The following CLIP1 variants were observed in gnomAD, a reference collection of about 807,000 sequenced individuals.
The protein encoded by CLIP1 is CAP-Gly domain-containing linker protein 1.
A neutral mutation model predicts 161.6 loss-of-function variants in CLIP1; 66 were observed. The observed-to-expected ratio is 0.41, with a 90% CI of 0.33 to 0.50. CLIP1 has a LOEUF of 0.50. CLIP1 is among the 20% of genes least tolerant of loss of function. The pLI is 0.27. For synonymous variants in CLIP1, 598 were observed against 626.2 expected (o/e 0.96, Z 0.67); for missense variants, 1,376 against 1,702.0 (o/e 0.81, Z 3.37).
chr12:122,405,633 C>T (rs1301491320), intron 1 of CLIP1, among the ~76,000 whole-genome samples: 1 of 151,336 alleles, frequency 6.6e-6, no homozygotes, highest in Non-Finnish European at 1.5e-5. Flanking sequence ...TACTAAAATA[C>T]AAAAATTAGC....
rs771241137 is a variant in CLIP1 at position 122,377,922 on chromosome 12, C to G, written c.124G>C (p.Ala42Pro). 4.3e-6 allele frequency: 7 copies of G among 1,612,752 alleles called. No homozygotes were observed. The Admixed American group carries it at 1.2e-4, about 27-fold the overall frequency. The change falls in exon 3 of 26, where the codon GCA becomes CCA. Residue 42 changes from alanine (A) to proline (P), a missense_variant. Physicochemically the swap from Ala to Pro is conservative, Grantham distance 27. This residue lies in a region of CLIP1 where 66 missense variants were observed against 67.8 expected (regional missense o/e 0.97). Coordinates refer to ENST00000620786, the MANE Select transcript of CLIP1 (RefSeq NM_001247997.2). ...PVEKTISSEK[A>P]SSTPSSETQE... ...GTCTCAGATGATGGAGTGCTTGATG[C>G]TTTTTCACTGGATATGGTTTTTTCT...
At chr12:122,337,875 C>G (rs536574076) in intron 11 of CLIP1, among the ~76,000 whole-genome samples, 1 of 151,814 alleles carries the variant, frequency 6.6e-6, no homozygotes, top group Non-Finnish European at 1.5e-5. Context: ...ATTAGCCAGG[C>G]GTGGTGGCAC....
Position 122,341,332 on chromosome 12 carries a change from C to A in CLIP1, c.1872G>T (p.Lys624Asn). 3 of 1,614,098 alleles carry A rather than the reference C, an allele frequency of 1.9e-6. No homozygotes were observed. The highest frequency in any genetic ancestry group is 2.5e-6 in the Non-Finnish European group (3 of 1,180,008). ...ATGCGATGGCAGTCTCCAGTTTGGACTTCCATAGAGCTATCACATCTGAGT... is the reference window on the plus strand; with the variant it reads ...ATGCGATGGCAGTCTCCAGTTTGGAATTCCATAGAGCTATCACATCTGAGT... Reference protein sequence around the residue: ...KENSDVIALWKSKLETAIASH... With the variant: ...KENSDVIALWNSKLETAIASH... Residue 624 changes from lysine (K) to asparagine (N), a missense_variant, in exon 11 of 26, where the codon AAG becomes AAT. Physicochemically the swap from Lys to Asn is moderately conservative, Grantham distance 94 (BLOSUM62 0). Coordinates refer to ENST00000620786, the MANE Select transcript of CLIP1 (RefSeq NM_001247997.2).
chr12:122,388,971 C>T (rs1051058020), intron 1 of CLIP1, among the ~76,000 whole-genome samples: 2 of 152,216 alleles, frequency 1.3e-5, no homozygotes, highest in Admixed American at 6.5e-5. Context: ...ACCTACACAA[C>T]TGACTTCCCC....
intron 24 of CLIP1, chr12:122,276,382 C>CCACACACACACGCACACACACACA: frequency 8.6e-7 from 1 of 1,160,594 alleles, no homozygotes; most frequent in Non-Finnish European, 1.1e-6. Context: ...TAGTGGGAAA[C>CCACACACACACGCACACACACACA]CACACACACA....
chr12:122,408,805 C>A (rs920229080), intron 1 of CLIP1, among the ~76,000 whole-genome samples: 1 of 151,768 alleles, frequency 6.6e-6, no homozygotes, highest in Non-Finnish European at 1.5e-5. Flanking sequence ...CTACAGGGCA[C>A]CTTGATATTT....
chr12:122,350,640 C>T (rs1463643243), intron 9 of CLIP1, among the ~76,000 whole-genome samples: 1 of 151,584 alleles, frequency 6.6e-6, no homozygotes. Flanking sequence ...CCAGTCAGCT[C>T]CGGGACAGCA....
At chr12:122,394,091 A>G (rs560800547) in intron 1 of CLIP1, among the ~76,000 whole-genome samples, 5 of 152,250 alleles carry the variant, frequency 3.3e-5, no homozygotes, top group East Asian at 1.9e-4. Flanking sequence ...GTGCAAAGCA[A>G]TAAGAAAATT....
intron 11 of CLIP1, among the ~76,000 whole-genome samples, chr12:122,337,599 A>C (rs571363979): frequency 1.3e-5 from 2 of 152,258 alleles, no homozygotes; most frequent in Non-Finnish European, 2.9e-5. Context: ...ACTATTTTTA[A>C]ATAGTCAAAA....
intron 20 of CLIP1, among the ~76,000 whole-genome samples, chr12:122,307,793 A>G (rs1950926517): frequency 6.6e-6 from 1 of 152,202 alleles, no homozygotes; most frequent in African/African-American, 2.4e-5. Context: ...TGAAATATAT[A>G]TACCATGGAA....
intron 3 of CLIP1, among the ~76,000 whole-genome samples, chr12:122,370,994 T>G (rs1328465452): frequency 6.6e-5 from 10 of 150,936 alleles, no homozygotes; most frequent in Admixed American, 6.6e-4. Flanking sequence ...TCACCTCTTC[T>G]AACCCTGGGG....
chr12:122,310,823 G>A lies in CLIP1; in HGVS notation c.3474-941C>T, dbSNP rs1428994917. On this transcript the variant is annotated intron_variant, in intron 19 of 25. Transcript: ENST00000620786. ...TCTGGGTATGAATCCATCTGCTGAT[G>A]CATGAACACATCTATTTTTAACTTC... Among the ~76,000 whole-genome samples the A allele has an allele frequency of 3.3e-5, 5 of 152,176 alleles. No individual in the cohort carries two copies. In the South Asian group the frequency reaches 8.3e-4, roughly 25 times the overall value.
At chr12:122,295,916 C>T (rs1463967980) in intron 20 of CLIP1, among the ~76,000 whole-genome samples, 1 of 152,134 alleles carries the variant, frequency 6.6e-6, no homozygotes, top group Non-Finnish European at 1.5e-5. Flanking sequence ...AGTATAGTTT[C>T]TCCAGCTTGC....
rs757981811 is a variant in CLIP1 at position 122,328,441 on chromosome 12, A to G, written c.2868-15T>C. The G allele has an allele frequency of 7.6e-5, 114 of 1,506,258 alleles. No homozygotes were observed. Among genetic ancestry groups the G allele is most frequent in the Non-Finnish European group, 9.7e-5 (109 of 1,123,992 alleles). 93.3% of individuals were successfully genotyped at this position (1,506,258 alleles called of 1,614,324 possible). A position where few individuals can be genotyped will look rare whatever the true frequency, so the allele number is the denominator to read the frequency against. ...CTTCTACATCTCTAGAAAAAGTTTC[A>G]ATATAAGGTGTCAGATTTTTCATAA... is the stretch of plus-strand genomic sequence containing the variant. On this transcript the variant is annotated splice_polypyrimidine_tract_variant and intron_variant, in intron 15 of 25. Transcript: ENST00000620786.
intron 1 of CLIP1, among the ~76,000 whole-genome samples, chr12:122,386,889 A>C (rs1955296369): frequency 6.6e-6 from 1 of 151,372 alleles, no homozygotes; most frequent in Non-Finnish European, 1.5e-5. Flanking sequence ...TCATCCTGCC[A>C]ATCGTGACTT....
chr12:122,378,180 G>A (rs926038449), intron 2 of CLIP1, among the ~76,000 whole-genome samples: 50 of 151,536 alleles, frequency 3.3e-4, no homozygotes, highest in African/African-American at 1.2e-3. Context: ...TCCACCTTCC[G>A]GGTACAAGTG....
In CLIP1 at chr12:122,347,379, G is replaced by T. The variant is rs1015071551; in HGVS notation, c.1502C>A (p.Thr501Asn). Residue 501 changes from threonine to asparagine, a missense_variant, in exon 10 of 26, where the codon ACT (threonine) becomes AAT (asparagine). Physicochemically the swap from Thr to Asn is moderately conservative, Grantham distance 65. Coordinates refer to ENST00000620786, the MANE Select transcript of CLIP1 (RefSeq NM_001247997.2). ...ADKLQRELEDTRVATVSEKSR... is the reference protein window; with the variant it reads ...ADKLQRELEDNRVATVSEKSR... ...TTAAATAGTGAAAACCATTACCCTA[G>T]TGTCTTCTAACTCCCTCTGGAGTTT... 3.1e-6 allele frequency: 5 copies of T among 1,606,000 alleles called. No individual in the cohort carries two copies. Among genetic ancestry groups the T allele is most frequent in the Non-Finnish European group, 4.3e-6 (5 of 1,172,838 alleles).
At chr12:122,388,465 T>G (rs548711497) in intron 1 of CLIP1, among the ~76,000 whole-genome samples, 1 of 152,282 alleles carries the variant, frequency 6.6e-6, no homozygotes, top group Admixed American at 6.5e-5. Flanking sequence ...ATGATCTGCC[T>G]GCCTCGGCCT....
chr12:122,318,165 T>C (rs1474792455), intron 18 of CLIP1, among the ~76,000 whole-genome samples: 1 of 152,230 alleles, frequency 6.6e-6, no homozygotes, highest in African/African-American at 2.4e-5. Flanking sequence ...AGGCCTGGTC[T>C]TTACAGTGGC....
Sources: gnomAD v4.1 joint callset for allele counts (sites outside exome capture counted in the v4.1 genomes callset) on GRCh38, gnomAD v4.1.1 for gene constraint, gnomAD v4.1.1 regional missense constraint, MANE v1.5 for transcripts, NCBI Gene and HGNC (gene_info 2026-07-23, HGNC 2026-07-21) for gene names.